G3BP2: variants seen among roughly 807,000 people sequenced by gnomAD.
G3BP2 encodes ras GTPase-activating protein-binding protein 2.
Under a neutral mutation model 56.7 loss-of-function variants are expected in G3BP2, and 11 were observed. The ratio of observed to expected loss-of-function variants is 0.19; its 90% CI spans 0.12 to 0.32. The LOEUF is 0.32. Ranked by LOEUF, G3BP2 falls within the 10% of genes least tolerant of loss-of-function variation. The pLI, the probability that G3BP2 is intolerant of heterozygous loss-of-function variation, is 1.00. For synonymous variants in G3BP2, 165 were observed against 191.6 expected, an observed-to-expected ratio of 0.86 and a Z score of 1.15; for missense variants, 340 against 610.9, an observed-to-expected ratio of 0.56 and a Z score of 4.67.
In G3BP2 at chr4:75,644,940, T is replaced by A. The variant is rs1731100652; in HGVS notation, c.*490A>T. 1 of 155,506 alleles carries A rather than the reference T, an allele frequency of 6.4e-6. No homozygotes were observed. Among genetic ancestry groups the A allele is most frequent in the Non-Finnish European group, 1.4e-5 (1 of 70,228 alleles). 9.6% of individuals were successfully genotyped at this position (155,506 alleles called of 1,614,324 possible). ...GTTGCAGATGTCAATGTTAATGAGT[T>A]CAGAGTACCCATTAGTACATTTTGA... is the stretch of plus-strand genomic sequence containing the variant. On this transcript the variant is annotated 3_prime_UTR_variant, in exon 12 of 12. Transcript: ENST00000359707.
chr4:75,656,992 T>A lies in G3BP2; in HGVS notation c.374A>T (p.Tyr125Phe). The part of the protein sequence containing the change: ...APEGSVPNKF[Y>F]VHNDMFRYED... ...ATAACGAAACATATCATTGTGAACA[T>A]AAAATTTATTTGGAACAGATCCCTA... The change falls in exon 5 of 12, where the codon TAT becomes TTT. Residue 125 changes from tyrosine to phenylalanine, a missense_variant. By Grantham distance (22) the Tyr-to-Phe change is conservative. Transcript: ENST00000359707. 1 of 1,487,652 alleles carries A rather than the reference T, an allele frequency of 6.7e-7. No individual in the cohort carries two copies. The highest frequency in any genetic ancestry group is 9.3e-7 in the Non-Finnish European group (1 of 1,074,304). The allele number at this position is 1,487,652 out of a possible 1,614,324, so 92.2% of individuals were successfully genotyped here. A position where few individuals can be genotyped will look rare whatever the true frequency, so the allele number is the denominator to read the frequency against.
intron 3 of G3BP2, among the ~76,000 whole-genome samples, chr4:75,704,494 T>G (rs1483700462): frequency 7.4e-6 from 1 of 135,182 alleles, no homozygotes; most frequent in Non-Finnish European, 1.6e-5. Context: ...ATTTTTAAAA[T>G]TTTTTATAGA....
chr4:75,674,867 C>T (rs1733803946), upstream of G3BP2, among the ~76,000 whole-genome samples: 1 of 150,848 alleles, frequency 6.6e-6, no homozygotes, highest in South Asian at 2.1e-4. Flanking sequence ...GGACTACAGG[C>T]GCATGCCACC....
chr4:75,645,192 T>A lies in G3BP2; in HGVS notation c.*238A>T, dbSNP rs191190161. The A allele has an allele frequency of 1.1e-5, 6 of 544,130 alleles. No homozygotes were observed. The highest frequency in any genetic ancestry group is 1.9e-5 in the Non-Finnish European group (6 of 309,526). The allele number at this position is 544,130 out of a possible 1,614,324, so 33.7% of individuals were successfully genotyped here. On this transcript the variant is annotated 3_prime_UTR_variant, in exon 12 of 12. Transcript: ENST00000359707. ...ACTTTGTCGTAGATAGTTTAAGATA[T>A]GGTCATTTCTCAGTCCTTAATTCTC...
chr4:75,657,967 C>T (rs772196854), intron 3 of G3BP2, among the ~76,000 whole-genome samples: 1 of 152,192 alleles, frequency 6.6e-6, no homozygotes, highest in Admixed American at 6.5e-5. Flanking sequence ...TCCCACTTTT[C>T]TGTAGTAAGT....
upstream of G3BP2, among the ~76,000 whole-genome samples, chr4:75,675,808 C>G (rs1375041096): frequency 2.6e-5 from 4 of 152,246 alleles, no homozygotes; most frequent in African/African-American, 9.6e-5. Context: ...AAAACAAACA[C>G]CACTGATCTA....
chr4:75,664,126 C>T (rs1049692091), intron 1 of G3BP2, among the ~76,000 whole-genome samples: 2 of 151,766 alleles, frequency 1.3e-5, no homozygotes, highest in Non-Finnish European at 2.9e-5. Context: ...TCGTGATCCA[C>T]CTGCCTCAGC....
chr4:75,683,027 C>G (rs1734143214), intron 3 of G3BP2, among the ~76,000 whole-genome samples: 1 of 151,880 alleles, frequency 6.6e-6, no homozygotes, highest in Non-Finnish European at 1.5e-5. Flanking sequence ...CTGATAGACA[C>G]AGCGCATTGT....
chr4:75,648,414 C>G (rs1731408546), intron 9 of G3BP2, among the ~76,000 whole-genome samples: 1 of 151,460 alleles, frequency 6.6e-6, no homozygotes, highest in Non-Finnish European at 1.5e-5. Context: ...AGACTTAAGT[C>G]TTTTACACCT....
At chr4:75,663,664 A>C (rs1237636284) in intron 1 of G3BP2, among the ~76,000 whole-genome samples, 1 of 151,944 alleles carries the variant, frequency 6.6e-6, no homozygotes, top group East Asian at 2.0e-4. Context: ...GTTCAAGACC[A>C]GCCTGGCCAA....
chr4:75,702,576 A>G (rs942015712), intron 3 of G3BP2, among the ~76,000 whole-genome samples: 1 of 152,176 alleles, frequency 6.6e-6, no homozygotes, highest in Non-Finnish European at 1.5e-5. Context: ...GGCCCCCAGG[A>G]ATGGAAACTA....
upstream of G3BP2, among the ~76,000 whole-genome samples, chr4:75,674,335 G>A (rs1733746125): frequency 6.6e-6 from 1 of 152,200 alleles, no homozygotes; most frequent in African/African-American, 2.4e-5. Context: ...CATGGTGGAC[G>A]CAAGCATGTA....
At chr4:75,647,227 A>T in intron 9 of G3BP2, 70 bp from the exon 10 acceptor site, 2 of 992,896 alleles carry the variant, frequency 2.0e-6, no homozygotes, top group Non-Finnish European at 2.9e-6. Context: ...GAGTGAATGT[A>T]AAAATCACTT....
intron 3 of G3BP2, among the ~76,000 whole-genome samples, chr4:75,702,462 C>A (rs1307462450): frequency 6.6e-6 from 1 of 152,190 alleles, no homozygotes; most frequent in Non-Finnish European, 1.5e-5. Flanking sequence ...CTAACCACCT[C>A]TTTGAGTTAC....
At chr4:75,683,425 G>C (rs575133727) in intron 3 of G3BP2, among the ~76,000 whole-genome samples, 1 of 151,990 alleles carries the variant, frequency 6.6e-6, no homozygotes, top group African/African-American at 2.4e-5. Flanking sequence ...TTAGCTGGGC[G>C]TGGTGGCGTG....
rs572429508 is a variant in G3BP2 at position 75,684,221 on chromosome 4, T to C, written c.-24-22172A>G. Among the ~76,000 whole-genome samples, 20 of 152,140 alleles carry C rather than the reference T, an allele frequency of 1.3e-4. No individual in the cohort carries two copies. The East Asian group carries it at 2.9e-3, about 22-fold the overall frequency. ...GCGTTTGAGACCAGCCTGGCCAATA[T>C]GGTGAAACCCATCTCTACTAAAAAT... On this transcript the variant is annotated intron_variant, in intron 3 of 3. Transcript: ENST00000499709.
At chr4:75,708,383 G>A (rs937525564) in intron 3 of G3BP2, among the ~76,000 whole-genome samples, 7 of 152,152 alleles carry the variant, frequency 4.6e-5, no homozygotes, top group Non-Finnish European at 7.4e-5. Flanking sequence ...AGGGATCCCC[G>A]TGAGCTGCAG....
rs1445342273 is a variant in G3BP2, at chr4:75,643,252, G to A, written c.*2178C>T. On this transcript the variant is annotated 3_prime_UTR_variant, in exon 12 of 12. Transcript: ENST00000359707. ...ACATTTGTCATTACTTTTGGTGCCA[G>A]AACAGTTTTCATGGATGGCAGGGCA... 5 of 141,444 alleles carry A rather than the reference G, an allele frequency of 3.5e-5. No homozygotes were observed. Among genetic ancestry groups the A allele is most frequent in the Non-Finnish European group, 7.7e-5 (5 of 65,312 alleles). 8.8% of individuals were successfully genotyped at this position (141,444 alleles called of 1,614,324 possible).
intron 3 of G3BP2, among the ~76,000 whole-genome samples, chr4:75,697,475 G>A (rs1343621035): frequency 6.6e-6 from 1 of 151,758 alleles, no homozygotes; most frequent in African/African-American, 2.4e-5. Context: ...TACACTATTC[G>A]ACTTTTTTCC....
Sources: gnomAD v4.1 joint callset for allele counts (sites outside exome capture counted in the v4.1 genomes callset) on GRCh38, gnomAD v4.1.1 for gene constraint, MANE v1.5 for transcripts, NCBI Gene and HGNC (gene_info 2026-07-23, HGNC 2026-07-21) for gene names.